The following GRIK1 variants were observed in gnomAD, a reference collection of about 807,000 sequenced individuals.
GRIK1 encodes glutamate receptor ionotropic, kainate 1.
A neutral mutation model predicts 105.7 loss-of-function variants in GRIK1; 69 were observed. That is an observed-to-expected ratio of 0.65 (90% CI 0.54 to 0.80). The LOEUF (loss-of-function observed/expected upper bound fraction) is 0.80. GRIK1 is among the 30% of genes least tolerant of loss of function. The pLI, the probability that GRIK1 is intolerant of heterozygous loss-of-function variation, is 0.00. For missense variants in GRIK1, 1,109 were observed against 1,167.3 expected (o/e 0.95, Z 0.73); for synonymous variants, 438 against 431.3 (o/e 1.02, Z -0.19).
Position 29,939,825 on chromosome 21 carries a change from A to C in GRIK1, c.-325T>G. ...CCAGCTGAGGAAAGTTGCTGCCCCG[A>C]TCTGCAGGAACGTCTCCCTCATTCG... On this transcript the variant is annotated 5_prime_UTR_variant, in exon 1 of 18. Transcript: ENST00000327783. 4.0e-6 allele frequency: 1 copy of C among 249,306 alleles called. No individual in the cohort carries two copies. Among genetic ancestry groups the C allele is most frequent in the Non-Finnish European group, 7.6e-6 (1 of 130,760 alleles). The allele number at this position is 249,306 out of a possible 1,614,324, so 15.4% of individuals were successfully genotyped here.
At chr21:29,843,190 A>C (rs1241945672) in intron 1 of GRIK1, among the ~76,000 whole-genome samples, 2 of 152,098 alleles carry the variant, frequency 1.3e-5, no homozygotes, top group Non-Finnish European at 2.9e-5. Context: ...TGGATTGGTG[A>C]ATGATGGTTG....
In GRIK1 at chr21:29,835,269, C is replaced by G. The variant is rs555106530; in HGVS notation, c.118+104114G>C. Among the ~76,000 whole-genome samples, 125 of 152,328 alleles carry G rather than the reference C, an allele frequency of 8.2e-4. 1 individual carries two copies. Among genetic ancestry groups the G allele is most frequent in the African/African-American group, 2.9e-3 (119 of 41,572 alleles). On this transcript the variant is annotated intron_variant, in intron 1 of 17. Transcript: ENST00000327783. ...CCCAGCAGCATCCCCTGGCATTAATCTGCTCACTTAGTTCTTCTGCTGGTG... is the reference window on the plus strand; with the variant it reads ...CCCAGCAGCATCCCCTGGCATTAATGTGCTCACTTAGTTCTTCTGCTGGTG...
At chr21:29,833,692 C>T (rs1481560024) in intron 1 of GRIK1, among the ~76,000 whole-genome samples, 4 of 152,124 alleles carry the variant, frequency 2.6e-5, no homozygotes, top group Admixed American at 1.3e-4. Flanking sequence ...TCACCTGCCA[C>T]CAGGCCCTTC....
chr21:29,598,708 G>T, intron 8 of GRIK1, 122 bp downstream of exon 8: 1 of 527,770 alleles, frequency 1.9e-6, no homozygotes, highest in Non-Finnish European at 3.3e-6. Context: ...ATAAAAAACT[G>T]GATGTAAAAG....
chr21:29,907,663 A>G, intron 1 of GRIK1, among the ~76,000 whole-genome samples: 1 of 152,140 alleles, frequency 6.6e-6, no homozygotes, highest in East Asian at 1.9e-4. Flanking sequence ...TTCTATATGA[A>G]TGAAAATAAG....
At chr21:29,648,873 G>A (rs960514344) in intron 6 of GRIK1, among the ~76,000 whole-genome samples, 2 of 152,186 alleles carry the variant, frequency 1.3e-5, no homozygotes, top group African/African-American at 2.4e-5. Flanking sequence ...TGCTTGATGT[G>A]CAAGAATGAA....
At chr21:29,837,051 G>A (rs2067827979) in intron 1 of GRIK1, among the ~76,000 whole-genome samples, 1 of 152,180 alleles carries the variant, frequency 6.6e-6, no homozygotes, top group African/African-American at 2.4e-5. Context: ...ACACCCTGAT[G>A]CAGTCTTCAA....
At chr21:29,630,670 G>A (rs2062247161) in intron 7 of GRIK1, 4 of 453,056 alleles carry the variant, frequency 8.8e-6, no homozygotes, top group South Asian at 6.6e-5. Context: ...CGTGGACCCT[G>A]AGCAGAGAAC....
At chr21:29,558,380 A>ACG (rs2090310558) in intron 15 of GRIK1, among the ~76,000 whole-genome samples, 2 of 150,750 alleles carry the variant, frequency 1.3e-5, no homozygotes, top group African/African-American at 4.9e-5. Context: ...TATATTTCAC[A>ACG]CACACACACA....
intron 7 of GRIK1, among the ~76,000 whole-genome samples, chr21:29,606,410 G>C (rs1479414127): frequency 6.6e-6 from 1 of 152,100 alleles, no homozygotes; most frequent in Non-Finnish European, 1.5e-5. Context: ...ACATGCATCA[G>C]CTATTTATCC....
intron 1 of GRIK1, among the ~76,000 whole-genome samples, chr21:29,793,847 G>A (rs1185985337): frequency 2.0e-5 from 3 of 152,156 alleles, no homozygotes; most frequent in South Asian, 4.1e-4. Flanking sequence ...GTAATTGTTT[G>A]TCTGCCAAGT....
chr21:29,838,917 G>A (rs921277978), intron 1 of GRIK1, among the ~76,000 whole-genome samples: 1 of 152,066 alleles, frequency 6.6e-6, no homozygotes, highest in African/African-American at 2.4e-5. Flanking sequence ...GAAGGAATCT[G>A]ACATACCTTT....
chr21:29,572,051 G>T (rs1311494070), intron 14 of GRIK1, among the ~76,000 whole-genome samples: 1 of 152,178 alleles, frequency 6.6e-6, no homozygotes, highest in Non-Finnish European at 1.5e-5. Flanking sequence ...GGGAGACCCT[G>T]ATGGCACAGC....
intron 1 of GRIK1, among the ~76,000 whole-genome samples, chr21:29,823,670 T>C (rs2067366976): frequency 6.6e-6 from 1 of 151,974 alleles, no homozygotes; most frequent in Non-Finnish European, 1.5e-5. Context: ...TCTGAATATA[T>C]TCCAACCATG....
chr21:29,543,696 A>C (rs2090006604), intron 16 of GRIK1, among the ~76,000 whole-genome samples: 1 of 152,188 alleles, frequency 6.6e-6, no homozygotes, highest in African/African-American at 2.4e-5. Context: ...CTAATGAGAA[A>C]GCTGATTCTC....
intron 3 of GRIK1, among the ~76,000 whole-genome samples, chr21:29,687,495 A>AT (rs1601453234): frequency 6.6e-6 from 1 of 152,056 alleles, no homozygotes; most frequent in African/African-American, 2.4e-5. Context: ...TTGATTATTC[A>AT]TTTACATTTT....
At chr21:29,758,537 G>T (rs768591419) in intron 1 of GRIK1, among the ~76,000 whole-genome samples, 103 of 152,150 alleles carry the variant, frequency 6.8e-4, no homozygotes, top group Non-Finnish European at 1.3e-3. Context: ...TGGGAATTAT[G>T]GGAGTTGCAA....
At chr21:29,634,954 TG>T (rs1462532491) in intron 7 of GRIK1, among the ~76,000 whole-genome samples, 4 of 152,170 alleles carry the variant, frequency 2.6e-5, no homozygotes, top group Non-Finnish European at 5.9e-5. Flanking sequence ...TATATCACTT[TG>T]CTTATATGTG....
Position 29,537,342 on chromosome 21 carries a change from A to C in GRIK1, c.2738T>G (p.Leu913Arg). 2 of 1,611,432 alleles carry C rather than the reference A, an allele frequency of 1.2e-6. No homozygotes were observed. The highest frequency in any genetic ancestry group is 1.7e-6 in the Non-Finnish European group (2 of 1,178,198). Residue 913 changes from leucine to arginine, a missense_variant, in exon 18 of 18, where the codon CTG (leucine) becomes CGG (arginine). Leu to Arg is a moderately radical substitution (Grantham distance 102, BLOSUM62 -2). This residue lies in a region of GRIK1 where 161 missense variants were observed against 143.4 expected (regional missense o/e 1.12). Transcript: ENST00000327783. ...TTTCTTTATTTTTTTCTGATTCTTC[A>C]GTGAGATTCCCAGTTCTTCCATGAT... ...NAIMEELGIS[L>R]KNQKKIKKKS...
Sources: gnomAD v4.1 joint callset for allele counts (sites outside exome capture counted in the v4.1 genomes callset) on GRCh38, gnomAD v4.1.1 for gene constraint, gnomAD v4.1.1 regional missense constraint, MANE v1.5 for transcripts, NCBI Gene and HGNC (gene_info 2026-07-23, HGNC 2026-07-21) for gene names.